The following NUP155 variants were observed in gnomAD, a reference collection of about 807,000 sequenced individuals.
The protein encoded by NUP155 is nuclear pore complex protein Nup155.
A neutral mutation model predicts 180.4 loss-of-function variants in NUP155; 71 were observed. That is an observed-to-expected ratio of 0.39 (90% CI 0.33 to 0.48). The LOEUF is 0.48. NUP155 is among the 20% of genes least tolerant of loss of function. NUP155 has a pLI of 0.91. For synonymous variants in NUP155, 582 were observed against 559.5 expected (o/e 1.04, Z -0.57); for missense variants, 1,553 against 1,648.9 (o/e 0.94, Z 1.01).
At position 37,289,748 on chromosome 5, in the gene NUP155, G is replaced by A. The variant is rs914700216; in HGVS notation, c.*2152C>T. ...ATATATAACAACATATTGCTAGTATGTAAATGTGCTTAAAACAAAAATGAA... is the reference window on the plus strand; with the variant it reads ...ATATATAACAACATATTGCTAGTATATAAATGTGCTTAAAACAAAAATGAA... On this transcript the variant is annotated 3_prime_UTR_variant, in exon 35 of 35. Transcript: ENST00000231498. The A allele has an allele frequency of 6.6e-6, 1 of 152,204 alleles. No homozygotes were observed. Among genetic ancestry groups the A allele is most frequent in the African/African-American group, 2.4e-5 (1 of 41,454 alleles). The allele number at this position is 152,204 out of a possible 1,614,324, so 9.4% of individuals were successfully genotyped here. A position where few individuals can be genotyped will look rare whatever the true frequency, so the allele number is the denominator to read the frequency against.
intron 27 of NUP155, among the ~76,000 whole-genome samples, chr5:37,303,785 A>C (rs1026062097): frequency 2.0e-5 from 3 of 151,318 alleles, no homozygotes; most frequent in Non-Finnish European, 4.4e-5. Context: ...TCGTCTCTAC[A>C]AAAAAATTAG....
At chr5:37,334,716 T>C (rs1745205065) in intron 12 of NUP155, among the ~76,000 whole-genome samples, 1 of 152,126 alleles carries the variant, frequency 6.6e-6, no homozygotes, top group Non-Finnish European at 1.5e-5. Context: ...AATACATAAA[T>C]CTTTTTGTAC....
chr5:37,301,529 T>A lies in NUP155; in HGVS notation c.3469A>T (p.Ile1157Leu), dbSNP rs760252701. Residue 1157 changes from isoleucine to leucine, a missense_variant, in exon 30 of 35, where the codon ATA becomes TTA. Coordinates refer to ENST00000231498, the MANE Select transcript of NUP155 (RefSeq NM_153485.3). ...TACTGCCTTTGTAGTGTCTCCTGTA[T>A]CTGAAGTTGGATCCTAGCAACCTAG... is the stretch of plus-strand genomic sequence containing the variant. ...KMEVARIQLQ[I>L]QETLQRQYSH... The A allele has an allele frequency of 1.2e-6, 2 of 1,612,768 alleles. No homozygotes were observed. Among genetic ancestry groups the A allele is most frequent in the Non-Finnish European group, 8.5e-7 (1 of 1,178,790 alleles).
At chr5:37,330,711 C>G (rs753092041) in intron 14 of NUP155, among the ~76,000 whole-genome samples, 1 of 152,082 alleles carries the variant, frequency 6.6e-6, no homozygotes, top group Non-Finnish European at 1.5e-5. Context: ...CAGGTTTCTT[C>G]CTCAGGTCAT....
chr5:37,300,884 C>T (rs894154344), intron 30 of NUP155: 1 of 161,126 alleles, frequency 6.2e-6, no homozygotes, highest in African/African-American at 2.4e-5. Context: ...ACTGCAGTGC[C>T]ATGATCTCGG....
intron 20 of NUP155, among the ~76,000 whole-genome samples, chr5:37,320,113 C>T (rs555537787): frequency 6.3e-4 from 96 of 151,974 alleles, no homozygotes; most frequent in Admixed American, 4.3e-3. Context: ...GAATAATGAT[C>T]ACATCACTGC....
intron 5 of NUP155, among the ~76,000 whole-genome samples, chr5:37,352,078 C>T (rs1746502077): frequency 6.6e-6 from 1 of 152,078 alleles, no homozygotes; most frequent in Non-Finnish European, 1.5e-5. Flanking sequence ...CAAAATTAGG[C>T]CGGGCACAGT....
At chr5:37,330,454 CT>C (rs1402243725) in intron 14 of NUP155, among the ~76,000 whole-genome samples, 1 of 152,176 alleles carries the variant, frequency 6.6e-6, no homozygotes, top group African/African-American at 2.4e-5. Context: ...CACTGAATAC[CT>C]ACCATGTGTC....
chr5:37,335,014 C>T (rs1028445176), intron 12 of NUP155, among the ~76,000 whole-genome samples: 1 of 151,852 alleles, frequency 6.6e-6, no homozygotes, highest in Non-Finnish European at 1.5e-5. Flanking sequence ...AAAAATTAGC[C>T]GGGTGTGGTG....
chr5:37,296,699 A>G (rs923620078), intron 32 of NUP155, among the ~76,000 whole-genome samples: 6 of 148,962 alleles, frequency 4.0e-5, no homozygotes, highest in Non-Finnish European at 7.6e-5. Context: ...AAATAAATAA[A>G]TAAATAAATA....
chr5:37,350,043 A>G lies in NUP155; in HGVS notation c.829+117T>C, dbSNP rs574801652. 158 of 767,240 alleles carry G rather than the reference A, an allele frequency of 2.1e-4. No homozygotes were observed. In the African/African-American group the frequency reaches 2.7e-3, roughly 13 times the overall value. 47.5% of individuals were successfully genotyped at this position (767,240 alleles called of 1,614,324 possible). A position where few individuals can be genotyped will look rare whatever the true frequency, so the allele number is the denominator to read the frequency against. On this transcript the variant is annotated intron_variant, in intron 7 of 34. Transcript: ENST00000231498. ...AAAAGACCTTATGAATATATAAGAA[A>G]TGCTACTTAACATAACAAATTGTTT... is the stretch of plus-strand genomic sequence containing the variant.
At chr5:37,356,143 C>T (rs373415668) in intron 4 of NUP155, among the ~76,000 whole-genome samples, 2 of 150,262 alleles carry the variant, frequency 1.3e-5, no homozygotes, top group Non-Finnish European at 1.5e-5. Context: ...GCAGGAGAAT[C>T]GCTTGAACCC....
rs1419142826 is a variant in NUP155 at position 37,318,010 on chromosome 5, C to G, written c.2283G>C (p.Gln761His). ...PENGNPQQMQ[Q>H]ELQRKFHEAQ... ...TACCATGAAACTTCCTCTGCAGTTC[C>G]TGTTGCATTTGCTGGGGATTTCCGT... Residue 761 changes from glutamine to histidine, a missense_variant, in exon 21 of 35, where the codon CAG becomes CAC. By Grantham distance (24) the Gln-to-His change is conservative. Coordinates refer to ENST00000231498, the MANE Select transcript of NUP155 (RefSeq NM_153485.3). 6.2e-7 allele frequency: 1 copy of G among 1,607,698 alleles called. No individual in the cohort carries two copies. Among genetic ancestry groups the G allele is most frequent in the East Asian group, 2.2e-5 (1 of 44,870 alleles).
chr5:37,336,975 C>A (rs540162447), intron 12 of NUP155, among the ~76,000 whole-genome samples: 1 of 152,196 alleles, frequency 6.6e-6, no homozygotes, highest in African/African-American at 2.4e-5. Flanking sequence ...GAGTACCAGA[C>A]ATTCACACCC....
intron 7 of NUP155, 99 bp downstream of exon 7, chr5:37,350,061 A>G (rs1369065670): frequency 1.2e-6 from 1 of 858,038 alleles, no homozygotes; most frequent in Non-Finnish European, 2.0e-6. Context: ...TAACATAACA[A>G]ATTGTTTCAA....
chr5:37,305,715 AC>A (rs1743116303), intron 25 of NUP155, among the ~76,000 whole-genome samples: 1 of 151,812 alleles, frequency 6.6e-6, no homozygotes, highest in South Asian at 2.1e-4. Flanking sequence ...ACAAAACGAA[AC>A]AAAAAATTAA....
intron 15 of NUP155, among the ~76,000 whole-genome samples, 191 bp from the exon 16 acceptor site, chr5:37,329,469 A>T (rs1278055487): frequency 6.6e-6 from 1 of 152,242 alleles, no homozygotes; most frequent in Non-Finnish European, 1.5e-5. Context: ...TGTGGACTTG[A>T]AACTGCTACC....
chr5:37,294,587 G>A (rs1178458493), intron 32 of NUP155, 122 bp from the exon 33 acceptor site: 7 of 978,306 alleles, frequency 7.2e-6, no homozygotes, highest in Non-Finnish European at 1.1e-5. Flanking sequence ...GCAATTTTTT[G>A]GGGCGGGGGG....
intron 1 of NUP155, among the ~76,000 whole-genome samples, chr5:37,365,752 T>TAC (rs372031424): frequency 0.1 from 3,859 of 37,942 alleles, 406 homozygotes; most frequent in East Asian, 0.17. Flanking sequence ...TATATATATA[T>TAC]ACACACACAC....
Sources: gnomAD v4.1 joint callset for allele counts (sites outside exome capture counted in the v4.1 genomes callset) on GRCh38, gnomAD v4.1.1 for gene constraint, MANE v1.5 for transcripts, NCBI Gene and HGNC (gene_info 2026-07-23, HGNC 2026-07-21) for gene names.